C8orf34: variants seen among roughly 807,000 people sequenced by gnomAD.
C8orf34 encodes the protein chromosome 8 open reading frame 34, also known as uncharacterized protein C8orf34.
A neutral mutation model predicts 68.3 loss-of-function variants in C8orf34; 65 were observed. The observed-to-expected ratio is 0.95, with a 90% CI of 0.78 to 1.17. The LOEUF is 1.17. C8orf34 is among the 50% of genes most tolerant of loss of function. C8orf34 has a pLI of 0.00. For missense variants in C8orf34, 664 were observed against 655.4 expected, an observed-to-expected ratio of 1.01 and a Z score of -0.14; for synonymous variants, 244 against 241.2, an observed-to-expected ratio of 1.01 and a Z score of -0.11.
At chr8:68,472,315 T>G (rs1009726360) in intron 4 of C8orf34, among the ~76,000 whole-genome samples, 1 of 152,140 alleles carries the variant, frequency 6.6e-6, no homozygotes, top group East Asian at 1.9e-4. Context: ...TTCCTTCAAG[T>G]GTTTGCCCCC....
chr8:68,520,082 C>T (rs1238086067), intron 5 of C8orf34, among the ~76,000 whole-genome samples: 1 of 152,144 alleles, frequency 6.6e-6, no homozygotes, highest in African/African-American at 2.4e-5. Context: ...CATTATTTTA[C>T]AGCTGAAATC....
At chr8:68,601,726 G>A (rs1262337412) in intron 7 of C8orf34, among the ~76,000 whole-genome samples, 3 of 138,778 alleles carry the variant, frequency 2.2e-5, no homozygotes, top group Non-Finnish European at 3.2e-5. Flanking sequence ...AATTCATCTT[G>A]GTATTGGCAT....
chr8:68,550,307 C>A lies in C8orf34; in HGVS notation c.1105+17158C>A, dbSNP rs545277249. ...GAGTTTGGAATATATATATTTATAG[C>A]TATTCCAAGTCCATGTTTAAATTAT... On this transcript the variant is annotated intron_variant, in intron 7 of 13. Transcript: ENST00000518698. Among the ~76,000 whole-genome samples the A allele has an allele frequency of 2.8e-4, 42 of 151,696 alleles. 1 individual carries two copies. The highest frequency in any genetic ancestry group is 1.9e-3 in the South Asian group (9 of 4,826).
chr8:68,766,576 C>T (rs1823182132), intron 10 of C8orf34, among the ~76,000 whole-genome samples: 1 of 152,156 alleles, frequency 6.6e-6, no homozygotes, highest in South Asian at 2.1e-4. Context: ...CATTTAACTA[C>T]TTCTGCTGAT....
intron 10 of C8orf34, among the ~76,000 whole-genome samples, chr8:68,751,523 C>T (rs981107810): frequency 4.6e-5 from 7 of 152,064 alleles, no homozygotes; most frequent in Non-Finnish European, 7.4e-5. Context: ...ATGTAGGTTG[C>T]GTGAAGTGGT....
chr8:68,623,860 A>G (rs1480656666), intron 7 of C8orf34, among the ~76,000 whole-genome samples: 3 of 152,124 alleles, frequency 2.0e-5, no homozygotes, highest in Non-Finnish European at 4.4e-5. Context: ...CCTTCACATC[A>G]GGGCTTAGGA....
chr8:68,631,897 C>A (rs1314291887), intron 7 of C8orf34, among the ~76,000 whole-genome samples: 2 of 152,112 alleles, frequency 1.3e-5, no homozygotes, highest in East Asian at 3.8e-4. Flanking sequence ...GTCAGTTAGA[C>A]CTCTTTCTTT....
intron 1 of C8orf34, among the ~76,000 whole-genome samples, chr8:68,339,828 G>A (rs1805998111): frequency 6.6e-6 from 1 of 151,714 alleles, no homozygotes; most frequent in South Asian, 2.1e-4. Flanking sequence ...TCTTCAAAAG[G>A]CAATTGTTAA....
At chr8:68,731,710 G>A (rs1821984151) in intron 10 of C8orf34, among the ~76,000 whole-genome samples, 1 of 152,056 alleles carries the variant, frequency 6.6e-6, no homozygotes, top group Admixed American at 6.6e-5. Flanking sequence ...AATTCTAATG[G>A]CTGTGCATTA....
intron 7 of C8orf34, among the ~76,000 whole-genome samples, chr8:68,575,417 A>G (rs1047447386): frequency 1.3e-5 from 2 of 152,028 alleles, no homozygotes; most frequent in Non-Finnish European, 1.5e-5. Flanking sequence ...CTAATCCTTC[A>G]TACTGTCACT....
At chr8:68,457,730 G>C (rs963048968) in intron 3 of C8orf34, among the ~76,000 whole-genome samples, 1 of 152,090 alleles carries the variant, frequency 6.6e-6, no homozygotes, top group Non-Finnish European at 1.5e-5. Context: ...TGGGTACCTT[G>C]CACCTGCACT....
upstream of C8orf34, chr8:68,330,718 G>A (rs1011068817): frequency 2.1e-5 from 7 of 329,852 alleles, no homozygotes; most frequent in South Asian, 1.2e-4. Flanking sequence ...CTGGTAGGGC[G>A]AGCAGCCTCG....
chr8:68,353,008 G>C (rs117267040), intron 1 of C8orf34, among the ~76,000 whole-genome samples: 2 of 152,182 alleles, frequency 1.3e-5, no homozygotes, highest in Non-Finnish European at 1.5e-5. Flanking sequence ...GCAACATAAT[G>C]AAGTAGATAA....
In C8orf34 at chr8:68,331,533, C is replaced by CTT. The variant is rs548992602; in HGVS notation, c.327+195_327+196dup. ...GTCCTGGAACGCGGCCGGGCGGGCA[C>CTT]TTAGCCAGTTACCTGAACGCGGACA... On this transcript the variant is annotated intron_variant, in intron 1 of 13. Transcript: ENST00000518698. 1.7e-3 allele frequency: 1,105 copies of CTT among 658,136 alleles called. 9 individuals carry two copies. In the African/African-American group the frequency reaches 0.018, roughly 11 times the overall value. The allele number at this position is 658,136 out of a possible 1,614,324, so 40.8% of individuals were successfully genotyped here.
chr8:68,810,025 G>A (rs1174763373), intron 12 of C8orf34, among the ~76,000 whole-genome samples: 1 of 152,238 alleles, frequency 6.6e-6, no homozygotes, highest in Non-Finnish European at 1.5e-5. Flanking sequence ...CTAGCCTAAT[G>A]TCAATCTTTG....
intron 5 of C8orf34, among the ~76,000 whole-genome samples, chr8:68,494,587 C>T (rs1055673711): frequency 8.5e-5 from 13 of 152,126 alleles, no homozygotes; most frequent in Non-Finnish European, 1.0e-4. Flanking sequence ...TGGGTGCAGT[C>T]GCTCACGCCT....
At chr8:68,793,443 C>T (rs1824072302) in intron 12 of C8orf34, among the ~76,000 whole-genome samples, 1 of 152,166 alleles carries the variant, frequency 6.6e-6, no homozygotes, top group African/African-American at 2.4e-5. Context: ...AGAAGAAAAA[C>T]TGGTAAACAT....
At chr8:68,763,378 G>A (rs1823075724) in intron 10 of C8orf34, among the ~76,000 whole-genome samples, 1 of 152,128 alleles carries the variant, frequency 6.6e-6, no homozygotes, top group Non-Finnish European at 1.5e-5. Context: ...TTCTCAAAAA[G>A]ACCATTTACT....
At chr8:68,505,449 G>GACTGGCTGAGAATCA (rs1261007912) in intron 5 of C8orf34, among the ~76,000 whole-genome samples, 1 of 139,140 alleles carries the variant, frequency 7.2e-6, no homozygotes, top group South Asian at 2.1e-4. Context: ...TGAGCAACAT[G>GACTGGCTGAGAATCA]GGCCGGGCGC....
Sources: allele counts gnomAD v4.1 joint callset (sites outside exome capture counted in the v4.1 genomes callset), GRCh38; gene constraint gnomAD v4.1.1; transcripts MANE v1.5; gene names NCBI Gene and HGNC (gene_info 2026-07-23, HGNC 2026-07-21).